The following MAGI3 variants were observed in gnomAD, a reference collection of about 807,000 sequenced individuals.
The protein encoded by MAGI3 is membrane associated guanylate kinase, WW and PDZ domain containing 3.
A neutral mutation model predicts 121.8 loss-of-function variants in MAGI3; 43 were observed. The ratio of observed to expected loss-of-function variants is 0.35; its 90% confidence interval spans 0.28 to 0.46. The LOEUF (loss-of-function observed/expected upper bound fraction) is 0.46, where lower values mean the gene tolerates loss of function less well. MAGI3 is among the 20% of genes least tolerant of loss of function. The probability of loss-of-function intolerance (pLI) is 1.00; values close to 1 mark genes in which losing one functional copy is unlikely to be tolerated. For synonymous variants in MAGI3, 553 were observed against 639.3 expected, an observed-to-expected ratio of 0.86 and a Z score of 2.04; for missense variants, 1,547 against 1,797.3, an observed-to-expected ratio of 0.86 and a Z score of 2.52.
intron 6 of MAGI3, among the ~76,000 whole-genome samples, chr1:113,600,873 T>G (rs1157797894): frequency 1.3e-5 from 2 of 152,142 alleles, no homozygotes; most frequent in Non-Finnish European, 2.9e-5. Context: ...AAAACAGAGA[T>G]ATAGATCAAT....
chr1:113,441,348 A>G (rs956095322), intron 1 of MAGI3, among the ~76,000 whole-genome samples: 1 of 152,086 alleles, frequency 6.6e-6, no homozygotes, highest in East Asian at 1.9e-4. Context: ...GCTGACTGGG[A>G]GAGAAGAGGA....
intron 1 of MAGI3, chr1:113,449,868 G>T: frequency 6.7e-7 from 1 of 1,496,356 alleles, no homozygotes; most frequent in Non-Finnish European, 9.2e-7. Flanking sequence ...CAGGGGCTTT[G>T]GTTTTGTGAC....
intron 6 of MAGI3, among the ~76,000 whole-genome samples, chr1:113,598,561 C>A (rs1206045785): frequency 1.3e-5 from 2 of 151,346 alleles, no homozygotes; most frequent in African/African-American, 4.9e-5. Context: ...GATTTTAAAG[C>A]AACAACAGTT....
chr1:113,601,189 G>C (rs1248182170), intron 6 of MAGI3, among the ~76,000 whole-genome samples: 5 of 151,436 alleles, frequency 3.3e-5, no homozygotes, highest in Non-Finnish European at 5.9e-5. Context: ...AACACCAAAA[G>C]CAATGAGCAA....
chr1:113,489,735 TTCATAA>T (rs1265754871), intron 1 of MAGI3, among the ~76,000 whole-genome samples: 1 of 151,766 alleles, frequency 6.6e-6, no homozygotes, highest in Non-Finnish European at 1.5e-5. Context: ...CTACAAGAAT[TTCATAA>T]TGCAATTGCA....
At chr1:113,596,835 G>A (rs1391149981) in intron 6 of MAGI3, among the ~76,000 whole-genome samples, 1 of 151,960 alleles carries the variant, frequency 6.6e-6, no homozygotes, top group African/African-American at 2.4e-5. Context: ...ATCTTGGGGA[G>A]GATAGGGAGA....
intron 1 of MAGI3, among the ~76,000 whole-genome samples, chr1:113,541,763 G>A (rs1659298057): frequency 6.6e-6 from 1 of 152,214 alleles, no homozygotes; most frequent in Non-Finnish European, 1.5e-5. Context: ...TTTAGTGTCA[G>A]ACCTGAGTTA....
chr1:113,667,716 C>A (rs1647255991), intron 16 of MAGI3, among the ~76,000 whole-genome samples: 1 of 152,206 alleles, frequency 6.6e-6, no homozygotes, highest in Non-Finnish European at 1.5e-5. Context: ...CAGGTCTCAA[C>A]AAGCCTTCCT....
chr1:113,525,324 C>T (rs1658401053), intron 1 of MAGI3, among the ~76,000 whole-genome samples: 1 of 152,080 alleles, frequency 6.6e-6, no homozygotes, highest in Admixed American at 6.6e-5. Context: ...CTTTAGTTGT[C>T]CTGACTCTTC....
intron 1 of MAGI3, among the ~76,000 whole-genome samples, chr1:113,464,060 C>T (rs1655159379): frequency 6.6e-6 from 1 of 152,064 alleles, no homozygotes; most frequent in Non-Finnish European, 1.5e-5. Flanking sequence ...TATAGTCACC[C>T]TACTCACCCT....
intron 2 of MAGI3, among the ~76,000 whole-genome samples, chr1:113,565,065 G>A (rs1447234887): frequency 6.6e-6 from 1 of 151,642 alleles, no homozygotes; most frequent in Non-Finnish European, 1.5e-5. Flanking sequence ...GGCCAGGCTG[G>A]TCTCAAACTC....
rs1186549378 is a variant in MAGI3, at chr1:113,518,695, TG to T, written c.317-30819del. ...GAATTGTTCCAAAGTGCAGTGCAGC[TG>T]CTACTGAAGCTCCTTAGGTCAATAC... On this transcript the variant is annotated intron_variant, in intron 1 of 20. Transcript: ENST00000307546. Among the ~76,000 whole-genome samples, 3 of 152,296 alleles carry T rather than the reference TG, an allele frequency of 2.0e-5. No homozygotes were observed. The East Asian group carries it at 5.8e-4, about 29-fold the overall frequency.
intron 2 of MAGI3, among the ~76,000 whole-genome samples, chr1:113,573,927 C>T (rs1647464142): frequency 6.6e-6 from 1 of 152,106 alleles, no homozygotes; most frequent in Non-Finnish European, 1.5e-5. Flanking sequence ...TGCATGGATC[C>T]CTTTACCATT....
At chr1:113,439,698 T>C (rs1653818007) in intron 1 of MAGI3, among the ~76,000 whole-genome samples, 1 of 152,186 alleles carries the variant, frequency 6.6e-6, no homozygotes, top group Admixed American at 6.5e-5. Context: ...GTCTCTTATG[T>C]GCCAGGGAAT....
intron 6 of MAGI3, among the ~76,000 whole-genome samples, chr1:113,601,965 C>T (rs1249815277): frequency 2.0e-5 from 3 of 151,398 alleles, no homozygotes; most frequent in African/African-American, 4.9e-5. Flanking sequence ...AGTAAACTAT[C>T]GCAAGAACAA....
At chr1:113,681,754 T>G (rs145572723) in intron 20 of MAGI3, among the ~76,000 whole-genome samples, 1 of 152,242 alleles carries the variant, frequency 6.6e-6, no homozygotes. Context: ...TATATTATAA[T>G]GAATGCGCAG....
intron 2 of MAGI3, among the ~76,000 whole-genome samples, chr1:113,563,094 A>G (rs1028998592): frequency 6.6e-6 from 1 of 152,222 alleles, no homozygotes; most frequent in African/African-American, 2.4e-5. Flanking sequence ...GTCAATATAT[A>G]TAGCAATATG....
intron 1 of MAGI3, among the ~76,000 whole-genome samples, chr1:113,458,888 T>C (rs958651508): frequency 6.6e-5 from 10 of 152,150 alleles, no homozygotes; most frequent in Admixed American, 6.5e-5. Flanking sequence ...TTAACACAAG[T>C]AAACAATGAA....
rs71090716 is a variant in MAGI3, at chr1:113,633,238, ATTTTTTTTTTTTTTTTTTT to A, written c.1361-8650_1361-8632del. On this transcript the variant is annotated intron_variant, in intron 9 of 20. Coordinates refer to ENST00000307546, the MANE Select transcript of MAGI3 (RefSeq NM_001142782.2). ...TCCCTACAAAGGACATGAACTCATCATTTTTTTTTTTTTTTTTTTTTTTTTTTTTTTTTTTTTTTTTGAG... is the reference window on the plus strand; with the variant it reads ...TCCCTACAAAGGACATGAACTCATCATTTTTTTTTTTTTTTTTTTTTTGAG... 2.9e-3 allele frequency among the ~76,000 whole-genome samples: 163 copies of A among 56,636 alleles called. 1 individual carries two copies. The highest frequency in any genetic ancestry group is 6.5e-3 in the East Asian group (10 of 1,544). The allele number at this position is 56,636 out of a possible 152,430, so 37.2% of individuals were successfully genotyped here. A position where few individuals can be genotyped will look rare whatever the true frequency, so the allele number is the denominator to read the frequency against.
Sources: gnomAD v4.1 joint callset for allele counts (sites outside exome capture counted in the v4.1 genomes callset) on GRCh38, gnomAD v4.1.1 for gene constraint, MANE v1.5 for transcripts, NCBI Gene and HGNC (gene_info 2026-07-23, HGNC 2026-07-21) for gene names.